Variants in SH2B2 observed in about 807,000 individuals in gnomAD.
The protein encoded by SH2B2 is SH2B adapter protein 2.
A neutral mutation model predicts 35.7 loss-of-function variants in SH2B2; 37 were observed. That is an observed-to-expected ratio of 1.04 (90% CI 0.80 to 1.36). The LOEUF (loss-of-function observed/expected upper bound fraction) is 1.36. SH2B2 is among the 40% of genes most tolerant of loss of function. The probability of loss-of-function intolerance (pLI) is 0.00; values close to 1 mark genes in which losing one functional copy is unlikely to be tolerated. For missense variants in SH2B2, 852 were observed against 817.7 expected (o/e 1.04, Z -0.51); for synonymous variants, 383 against 376.4 (o/e 1.02, Z -0.20).
chr7:102,307,123 AC>A (rs1554555049), intron 3 of SH2B2, among the ~76,000 whole-genome samples: 1 of 152,052 alleles, frequency 6.6e-6, no homozygotes, highest in African/African-American at 2.4e-5. Flanking sequence ...CCCTTCCCCC[AC>A]TGGAGCTAGC....
At position 102,301,267 on chromosome 7, in the gene SH2B2, C is replaced by T. The variant is rs781902064; in HGVS notation, c.717C>T (p.Phe239=). 8.1e-6 allele frequency: 13 copies of T among 1,604,162 alleles called. No individual in the cohort carries two copies. Among genetic ancestry groups the T allele is most frequent in the Admixed American group, 3.4e-5 (2 of 59,180 alleles). ...VAEERFRLEF[F]VPPKASRPKV... is the part of the protein sequence containing the mutation. ...AGGAACGCTTCCGCCTGGAGTTCTT[C>T]GTGCCGCCCAAAGTGAGTTACCCCA... is the stretch of plus-strand genomic sequence containing the variant. The change falls in exon 2 of 9, where the codon TTC becomes TTT. Residue 239 remains phenylalanine, a synonymous_variant. Coordinates refer to ENST00000444095, the MANE Select transcript of SH2B2 (RefSeq NM_001359228.2).
rs545719902 is a variant in SH2B2, at chr7:102,296,810, C to T, written c.-29-3712C>T. 3.9e-5 allele frequency among the ~76,000 whole-genome samples: 6 copies of T among 152,202 alleles called. No individual in the cohort carries two copies. The South Asian group carries it at 8.3e-4, about 21-fold the overall frequency. On this transcript the variant is annotated intron_variant, in intron 1 of 8. Coordinates refer to ENST00000444095, the MANE Select transcript of SH2B2 (RefSeq NM_001359228.2). ...GGAAAGAAGCAAGGTCTTCAATGTC[C>T]GTACAAAAACTTGGTCCCTTTAGCC...
intron 6 of SH2B2, 37 bp from the exon 7 acceptor site, chr7:102,317,150 T>A (rs1793865054): frequency 2.0e-6 from 3 of 1,493,492 alleles, no homozygotes; most frequent in Non-Finnish European, 2.7e-6. Flanking sequence ...CCTTTCTCCT[T>A]CCCCCCATGT....
upstream of SH2B2, among the ~76,000 whole-genome samples, chr7:102,285,599 T>A (rs1792414105): frequency 6.6e-6 from 1 of 152,208 alleles, no homozygotes; most frequent in Non-Finnish European, 1.5e-5. Flanking sequence ...CTCTGTCCCC[T>A]CCACCTTCAA....
rs1563565766 is a variant in SH2B2, at chr7:102,314,422, C to T, written c.1010C>T (p.Thr337Ile). The change falls in exon 5 of 9, where the codon ACT becomes ATT. Residue 337 changes from threonine (T) to isoleucine (I), a missense_variant. This residue lies in a region of SH2B2 where 556 missense variants were observed against 514.5 expected (regional missense o/e 1.08). Coordinates refer to ENST00000444095, the MANE Select transcript of SH2B2 (RefSeq NM_001359228.2). ...RVASCSCELL[T>I]DAVDLPRPPE... is the part of the protein sequence containing the mutation. ...GCCTCCTGCAGCTGTGAGCTCCTGA[C>T]TGATGGTAGGTAGGGGGACAGGGTT... 5 of 398,716 alleles carry T rather than the reference C, an allele frequency of 1.3e-5. No individual in the cohort carries two copies. The allele number at this position is 398,716 out of a possible 1,614,324, so 24.7% of individuals were successfully genotyped here.
At chr7:102,312,949 G>C (rs1793680120) in intron 4 of SH2B2, among the ~76,000 whole-genome samples, 1 of 151,768 alleles carries the variant, frequency 6.6e-6, no homozygotes. Context: ...GGCCAACATG[G>C]AGAAACCCCA....
chr7:102,295,572 G>A lies in SH2B2; in HGVS notation c.-29-4950G>A, dbSNP rs183759803. ...CCAGGAGCCTGGACTTTTGCCCTGC[G>A]CACTCTCTGTGTCAGATGGGGAGAC... is the stretch of plus-strand genomic sequence containing the variant. On this transcript the variant is annotated intron_variant, in intron 1 of 8. Transcript: ENST00000444095. Among the ~76,000 whole-genome samples, 383 of 152,268 alleles carry A rather than the reference G, an allele frequency of 2.5e-3. 1 individual carries two copies. Among genetic ancestry groups the A allele is most frequent in the African/African-American group, 7.6e-3 (315 of 41,540 alleles).
In SH2B2 at chr7:102,301,025, G is replaced by A. The variant is rs1554553701; in HGVS notation, c.475G>A (p.Glu159Lys). 7.2e-7 allele frequency: 1 copy of A among 1,387,736 alleles called. No individual in the cohort carries two copies. Among genetic ancestry groups the A allele is most frequent in the East Asian group, 3.2e-5 (1 of 31,438 alleles). 86.0% of individuals were successfully genotyped at this position (1,387,736 alleles called of 1,614,324 possible). A position where few individuals can be genotyped will look rare whatever the true frequency, so the allele number is the denominator to read the frequency against. ...RDMWHRRASP[E>K]PDAAAAPRTA... ...CATGTGGCACCGGCGCGCCTCGCCC[G>A]AGCCCGACGCGGCAGCTGCCCCGCG... Residue 159 changes from glutamate (E) to lysine (K), a missense_variant, in exon 2 of 9, where the codon GAG (glutamate) becomes AAG (lysine). Around this residue, in one of 3 missense-constraint regions of SH2B2, gnomAD observed 294 missense variants for 286.6 expected, o/e 1.03. Transcript: ENST00000444095.
chr7:102,294,080 G>C (rs1421226242), intron 1 of SH2B2, among the ~76,000 whole-genome samples: 1 of 152,190 alleles, frequency 6.6e-6, no homozygotes, highest in Non-Finnish European at 1.5e-5. Flanking sequence ...GCCCAGGCTG[G>C]AGTGCAGTCG....
intron 2 of SH2B2, among the ~76,000 whole-genome samples, chr7:102,304,323 C>T (rs1793310238): frequency 6.6e-6 from 1 of 152,186 alleles, no homozygotes; most frequent in Admixed American, 6.5e-5. Flanking sequence ...CTCCTCACCC[C>T]TGCAGGAAGA....
chr7:102,286,393 C>A (rs1049899101), upstream of SH2B2, among the ~76,000 whole-genome samples: 4 of 152,232 alleles, frequency 2.6e-5, no homozygotes, highest in African/African-American at 7.2e-5. Flanking sequence ...CTGGCCACAG[C>A]GGCGGCTCCC....
In SH2B2 at chr7:102,298,286, G is replaced by T. The variant is rs1213192179; in HGVS notation, c.-29-2236G>T. Among the ~76,000 whole-genome samples the T allele has an allele frequency of 3.3e-5, 5 of 152,048 alleles. No homozygotes were observed. In the East Asian group the frequency reaches 7.7e-4, roughly 23 times the overall value. On this transcript the variant is annotated intron_variant, in intron 1 of 8. Transcript: ENST00000444095. ...TTTGTTTTTGTTTTGTTTTGTTTTT[G>T]AGTCAGAGTCTCTATCACCAAGTGA...
chr7:102,316,559 C>A (rs890412206), intron 6 of SH2B2, among the ~76,000 whole-genome samples: 4 of 150,448 alleles, frequency 2.7e-5, no homozygotes, highest in Non-Finnish European at 5.9e-5. Flanking sequence ...TGCATTCCAG[C>A]CTGGGCAACA....
chr7:102,290,181 G>A (rs1485443139), intron 1 of SH2B2, among the ~76,000 whole-genome samples: 12 of 150,858 alleles, frequency 8.0e-5, no homozygotes, highest in African/African-American at 2.4e-4. Context: ...CCTTGGAAGC[G>A]GAGTTCCCCA....
At chr7:102,285,339 C>T, upstream of SH2B2, 1 of 1,024,508 alleles carries the variant, frequency 9.8e-7, no homozygotes, top group Non-Finnish European at 1.5e-6. Flanking sequence ...GCTTCCCTTT[C>T]TCCCACTCTC....
chr7:102,293,639 C>T (rs76794933), intron 1 of SH2B2, among the ~76,000 whole-genome samples: 5,026 of 152,026 alleles, frequency 0.033, 298 homozygotes, highest in African/African-American at 0.12. Context: ...TTGTCTCCAA[C>T]GCCAGTCCTC....
At chr7:102,313,127 G>A (rs1793687792) in intron 4 of SH2B2, among the ~76,000 whole-genome samples, 1 of 106,386 alleles carries the variant, frequency 9.4e-6, no homozygotes, top group Non-Finnish European at 1.9e-5. Context: ...GCAAAACTCT[G>A]TCTAAAAAAA....
intron 1 of SH2B2, among the ~76,000 whole-genome samples, chr7:102,287,343 G>T (rs1165516170): frequency 6.6e-6 from 1 of 152,076 alleles, no homozygotes; most frequent in African/African-American, 2.4e-5. Context: ...CGCTGGAGGG[G>T]CCGAGCCGCC....
At chr7:102,307,027 G>A (rs1793430687) in intron 3 of SH2B2, among the ~76,000 whole-genome samples, 1 of 152,256 alleles carries the variant, frequency 6.6e-6, no homozygotes, top group Non-Finnish European at 1.5e-5. Flanking sequence ...ACAGCCAGGT[G>A]CCTCGGGCGT....
Sources: gnomAD v4.1 joint callset for allele counts (sites outside exome capture counted in the v4.1 genomes callset) on GRCh38, gnomAD v4.1.1 for gene constraint, gnomAD v4.1.1 regional missense constraint, MANE v1.5 for transcripts, NCBI Gene and HGNC (gene_info 2026-07-23, HGNC 2026-07-21) for gene names.